RGS6: variants seen among roughly 807,000 people sequenced by gnomAD.
RGS6 encodes the protein regulator of G-protein signaling 6.
RGS6 carries 30 observed loss-of-function variants against 78.5 expected under a neutral mutation model. The ratio of observed to expected loss-of-function variants is 0.38; its 90% confidence interval spans 0.29 to 0.52. The LOEUF is 0.52. Ranked by LOEUF, RGS6 falls within the 20% of genes least tolerant of loss-of-function variation. RGS6 has a pLI of 0.85. For synonymous variants in RGS6, 206 were observed against 206.0 expected, an observed-to-expected ratio of 1.00 and a Z score of 0.00; for missense variants, 495 against 609.7, an observed-to-expected ratio of 0.81 and a Z score of 1.98.
At chr14:72,464,335 G>T (rs2095849662) in intron 6 of RGS6, among the ~76,000 whole-genome samples, 1 of 152,140 alleles carries the variant, frequency 6.6e-6, no homozygotes, top group Admixed American at 6.5e-5. Flanking sequence ...TAGTGAACTT[G>T]TGTGATTAAA....
chr14:71,945,365 G>A (rs994754048), intron 1 of RGS6, among the ~76,000 whole-genome samples: 1 of 152,082 alleles, frequency 6.6e-6, no homozygotes, highest in Non-Finnish European at 1.5e-5. Context: ...CATACTAATT[G>A]TTTAAGAACT....
At chr14:71,940,341 C>T (rs1165484725) in intron 1 of RGS6, among the ~76,000 whole-genome samples, 1 of 152,120 alleles carries the variant, frequency 6.6e-6, no homozygotes, top group Non-Finnish European at 1.5e-5. Flanking sequence ...ACCCAGCCTC[C>T]CCTTTGTCCA....
intron 2 of RGS6, among the ~76,000 whole-genome samples, chr14:72,344,448 T>C (rs2239235): frequency 0.47 from 70,927 of 151,972 alleles, 16,878 homozygotes; most frequent in South Asian, 0.6. Context: ...ATTTTTGTTA[T>C]GGAATCCATT....
intron 2 of RGS6, among the ~76,000 whole-genome samples, chr14:72,055,154 C>A (rs1212215902): frequency 6.6e-6 from 1 of 152,164 alleles, no homozygotes; most frequent in Non-Finnish European, 1.5e-5. Context: ...GGAAGTACAG[C>A]AACCACTGCT....
At chr14:72,060,939 G>T (rs1326440078) in intron 2 of RGS6, among the ~76,000 whole-genome samples, 2 of 152,200 alleles carry the variant, frequency 1.3e-5, no homozygotes, top group African/African-American at 4.8e-5. Context: ...GTAGAAGAGA[G>T]GTAAACAGGA....
At chr14:72,556,690 C>T (rs1048782827) in intron 17 of RGS6, among the ~76,000 whole-genome samples, 4 of 5,910 alleles carry the variant, frequency 6.8e-4, no homozygotes, top group Admixed American at 2.1e-3. Context: ...GTCGGGGGGG[C>T]GGGGTGGGGG....
At chr14:72,105,800 C>T (rs1053853288) in intron 2 of RGS6, among the ~76,000 whole-genome samples, 5 of 152,214 alleles carry the variant, frequency 3.3e-5, no homozygotes, top group Non-Finnish European at 5.9e-5. Context: ...TAGCAGTCTT[C>T]GAGAGAGAAG....
chr14:71,987,994 G>A (rs2094794243), intron 2 of RGS6, among the ~76,000 whole-genome samples: 1 of 152,072 alleles, frequency 6.6e-6, no homozygotes, highest in Non-Finnish European at 1.5e-5. Flanking sequence ...CAATCTGCTT[G>A]TTGACTCTGC....
chr14:72,263,306 T>A (rs1441961096), intron 2 of RGS6, among the ~76,000 whole-genome samples: 1 of 152,200 alleles, frequency 6.6e-6, no homozygotes, highest in Non-Finnish European at 1.5e-5. Context: ...TCAGAACCTT[T>A]TTGAAAGTCA....
At chr14:72,579,217 C>CAGA in the RGS6 span, among the ~76,000 whole-genome samples, 239 of 152,118 alleles carry the variant, frequency 1.6e-3, 1 homozygote, top group African/African-American at 5.5e-3. Context: ...CACAAGGAAT[C>CAGA]GGAGAACAAG....
intron 2 of RGS6, among the ~76,000 whole-genome samples, chr14:72,243,519 A>G (rs1165510459): frequency 6.6e-6 from 1 of 152,232 alleles, no homozygotes; most frequent in African/African-American, 2.4e-5. Context: ...TCTCCATTGC[A>G]TATTTGCTAC....
At chr14:71,959,893 T>C (rs2093064960) in intron 1 of RGS6, among the ~76,000 whole-genome samples, 1 of 152,154 alleles carries the variant, frequency 6.6e-6, no homozygotes, top group Non-Finnish European at 1.5e-5. Context: ...GGCAAGGAGC[T>C]GGAAACGTAG....
chr14:72,382,687 G>T (rs1016016179), intron 3 of RGS6, among the ~76,000 whole-genome samples: 1 of 152,284 alleles, frequency 6.6e-6, no homozygotes, highest in Non-Finnish European at 1.5e-5. Flanking sequence ...AATAATCCAG[G>T]CATGACGTTT....
intron 2 of RGS6, among the ~76,000 whole-genome samples, chr14:71,988,612 C>T (rs535436457): frequency 1.3e-5 from 2 of 151,824 alleles, no homozygotes; most frequent in African/African-American, 4.8e-5. Context: ...AGAGACTGTC[C>T]GTATGACCGG....
chr14:72,397,637 A>T (rs1356802446), intron 3 of RGS6, among the ~76,000 whole-genome samples: 1 of 152,176 alleles, frequency 6.6e-6, no homozygotes, highest in Admixed American at 6.5e-5. Flanking sequence ...CCGTTTCCAA[A>T]GGGAATGCTT....
At chr14:71,994,522 A>G (rs1287338153) in intron 2 of RGS6, among the ~76,000 whole-genome samples, 4 of 152,028 alleles carry the variant, frequency 2.6e-5, no homozygotes, top group Non-Finnish European at 4.4e-5. Context: ...TTATGTATGA[A>G]TTGTGTCCCC....
chr14:72,147,105 A>G (rs1424288345), intron 2 of RGS6, among the ~76,000 whole-genome samples: 1 of 152,234 alleles, frequency 6.6e-6, no homozygotes, highest in Non-Finnish European at 1.5e-5. Flanking sequence ...AGTAACCTCT[A>G]GGAAATCCCA....
At chr14:72,158,705 G>T (rs567796378) in intron 2 of RGS6, among the ~76,000 whole-genome samples, 1 of 152,252 alleles carries the variant, frequency 6.6e-6, no homozygotes, top group Non-Finnish European at 1.5e-5. Flanking sequence ...TGTAAGAGGG[G>T]TAATAATAGA....
At chr14:72,163,510 T>G (rs2153665492) in intron 2 of RGS6, among the ~76,000 whole-genome samples, 1 of 152,272 alleles carries the variant, frequency 6.6e-6, no homozygotes, top group East Asian at 1.9e-4. Flanking sequence ...TGAAAATAAA[T>G]GCATAAATAG....
Sources: allele counts gnomAD v4.1 joint callset (sites outside exome capture counted in the v4.1 genomes callset), GRCh38; gene constraint gnomAD v4.1.1; transcripts MANE v1.5; gene names NCBI Gene and HGNC (gene_info 2026-07-23, HGNC 2026-07-21).